NCKAP5: variants seen among roughly 807,000 people sequenced by gnomAD.
NCKAP5 encodes the protein nck-associated protein 5.
Under a neutral mutation model 167.0 loss-of-function variants are expected in NCKAP5, and 92 were observed. The ratio of observed to expected loss-of-function variants is 0.55; its 90% CI spans 0.47 to 0.66. NCKAP5 has a LOEUF of 0.66. Ranked by LOEUF, NCKAP5 falls within the 30% of genes least tolerant of loss-of-function variation. The pLI is 0.00. For synonymous variants in NCKAP5, 891 were observed against 877.4 expected (o/e 1.02, Z -0.27); for missense variants, 2,378 against 2,315.0 (o/e 1.03, Z -0.56).
chr2:133,547,559 G>A (rs1203954768), intron 2 of NCKAP5, among the ~76,000 whole-genome samples: 32 of 151,802 alleles, frequency 2.1e-4, no homozygotes, highest in African/African-American at 7.0e-4. Flanking sequence ...TCCTCAAGTG[G>A]GTCCCTGACC....
At chr2:132,781,864 C>T in intron 14 of NCKAP5, 76 bp downstream of exon 14, 2 of 1,412,058 alleles carry the variant, frequency 1.4e-6, no homozygotes, top group Admixed American at 2.3e-5. Context: ...GCCTTTAATG[C>T]ACAGGAAGCA....
rs267598881 is a variant in NCKAP5 at position 132,784,943 on chromosome 2, A to C, written c.1868T>G (p.Phe623Cys). The stretch of plus-strand genomic sequence containing the variant: ...AGGAGACCCACATAGAGATTTTCCA[A>C]ACCCCACAAGGACATCCAGGTTCTC... ...SVENLDVLVG[F>C]GKSLCGSPEE... Residue 623 changes from phenylalanine (F) to cysteine (C), a missense_variant, in exon 14 of 20, where the codon TTT becomes TGT. Physicochemically the swap from Phe to Cys is radical, Grantham distance 205 (BLOSUM62 -2). This residue lies in a region of NCKAP5 where 1,049 missense variants were observed against 1,023.4 expected (regional missense o/e 1.02). Transcript: ENST00000409261. 2.5e-6 allele frequency: 4 copies of C among 1,601,836 alleles called. No individual in the cohort carries two copies. The African/African-American group carries it at 5.4e-5, about 22-fold the overall frequency.
intron 3 of NCKAP5, among the ~76,000 whole-genome samples, chr2:133,412,705 C>T (rs1212239413): frequency 6.6e-6 from 1 of 152,200 alleles, no homozygotes; most frequent in Non-Finnish European, 1.5e-5. Context: ...TGATTTTTAT[C>T]CCAAGCATTC....
At chr2:133,586,672 T>C in the NCKAP5 span, among the ~76,000 whole-genome samples, 47,445 of 151,610 alleles carry the variant, frequency 0.31, 7,893 homozygotes, top group South Asian at 0.41. Context: ...AGTGGTGGTG[T>C]GAGCAGATGG....
intron 3 of NCKAP5, among the ~76,000 whole-genome samples, chr2:133,456,645 C>G (rs957970649): frequency 1.3e-5 from 2 of 152,128 alleles, no homozygotes; most frequent in Non-Finnish European, 2.9e-5. Flanking sequence ...GATGAAATAA[C>G]CTTATTATGT....
chr2:132,880,019 G>A (rs6720847), intron 8 of NCKAP5, among the ~76,000 whole-genome samples: 55,403 of 151,988 alleles, frequency 0.36, 10,411 homozygotes, highest in Middle Eastern at 0.52. Context: ...AGAACTAGAA[G>A]TCATGTTAAG....
At chr2:133,652,309 G>T in the NCKAP5 span, among the ~76,000 whole-genome samples, 2 of 152,194 alleles carry the variant, frequency 1.3e-5, no homozygotes, top group Non-Finnish European at 2.9e-5. Flanking sequence ...GGCAACGGAA[G>T]AGGGTGTAGT....
the NCKAP5 span, among the ~76,000 whole-genome samples, chr2:133,577,956 C>G: frequency 6.6e-6 from 1 of 152,188 alleles, no homozygotes; most frequent in African/African-American, 2.4e-5. Context: ...CCTAAGACGA[C>G]CCAGCTCCAG....
intron 3 of NCKAP5, among the ~76,000 whole-genome samples, chr2:133,447,481 GCCTTTCCCCTTCTCTTCCCTT>G (rs1691273422): frequency 1.9e-5 from 2 of 103,358 alleles, no homozygotes; most frequent in Non-Finnish European, 3.8e-5. Flanking sequence ...TCCTTTCCCT[GCCTTTCCCCTTCTCTTCCCTT>G]CCTTTCCCCT....
the NCKAP5 span, among the ~76,000 whole-genome samples, chr2:133,662,410 G>A: frequency 6.6e-6 from 1 of 151,650 alleles, no homozygotes; most frequent in African/African-American, 2.4e-5. Context: ...CTAAAAATCT[G>A]TCTTCCCAGT....
Position 133,361,834 on chromosome 2 carries a change from T to G in NCKAP5, c.70-58724A>C, listed in dbSNP as rs138413199. Among the ~76,000 whole-genome samples, 134 of 152,284 alleles carry G rather than the reference T, an allele frequency of 8.8e-4. 2 individuals carry two copies. The East Asian group carries it at 0.024, about 28-fold the overall frequency. The stretch of plus-strand genomic sequence containing the variant: ...AAGTCTAGCAAATGTCTTAGCAAAA[T>G]AGCACCATCTGTTATATTAAATCCA... On this transcript the variant is annotated intron_variant, in intron 3 of 19. Coordinates refer to ENST00000409261, the MANE Select transcript of NCKAP5 (RefSeq NM_207363.3).
rs984299233 is a variant in NCKAP5, at chr2:132,796,643, A to C, written c.894T>G (p.Thr298=). 2 of 1,611,476 alleles carry C rather than the reference A, an allele frequency of 1.2e-6. No individual in the cohort carries two copies. The highest frequency in any genetic ancestry group is 1.7e-6 in the Non-Finnish European group (2 of 1,178,256). Residue 298 remains threonine, a synonymous_variant, in exon 12 of 20, where the codon ACT becomes ACG. Coordinates refer to ENST00000409261, the MANE Select transcript of NCKAP5 (RefSeq NM_207363.3). ...GGAAACTCACGTGCACCTCAGCATC[A>C]GTTCGTGACTGTGTCAGACTTCGGT... is the stretch of plus-strand genomic sequence containing the variant. ...ERNRSLTQSR[T]DAEVHEHQLN...
rs140672071 is a variant in NCKAP5, at chr2:133,066,666, C to T, written c.341+63312G>A. Among the ~76,000 whole-genome samples the T allele has an allele frequency of 2.0e-4, 30 of 152,192 alleles. No individual in the cohort carries two copies. The East Asian group carries it at 5.6e-3, about 28-fold the overall frequency. ...CATACAATGAATAGGAAATGTACAC[C>T]CCCTAGCATACCAAGTCCTACTTTA... On this transcript the variant is annotated intron_variant, in intron 6 of 19. Transcript: ENST00000409261.
intron 3 of NCKAP5, among the ~76,000 whole-genome samples, chr2:133,467,206 G>A (rs1297549348): frequency 2.0e-5 from 3 of 151,064 alleles, no homozygotes; most frequent in East Asian, 2.0e-4. Context: ...TTTATTGAGA[G>A]TTTTTAGCAT....
intron 3 of NCKAP5, among the ~76,000 whole-genome samples, chr2:133,453,998 A>G (rs1574981880): frequency 1.3e-5 from 2 of 152,018 alleles, no homozygotes; most frequent in East Asian, 3.9e-4. Context: ...ATTATCTGAA[A>G]AACAGTAATG....
chr2:132,692,149 A>AT (rs1446477052), intron 19 of NCKAP5, among the ~76,000 whole-genome samples: 108 of 145,982 alleles, frequency 7.4e-4, no homozygotes, highest in African/African-American at 2.7e-3. Context: ...ATTTTATTTT[A>AT]TTTTATTTTT....
At chr2:133,197,636 A>G (rs890698626) in intron 5 of NCKAP5, among the ~76,000 whole-genome samples, 1 of 152,130 alleles carries the variant, frequency 6.6e-6, no homozygotes, top group Non-Finnish European at 1.5e-5. Flanking sequence ...TTAAAGAACG[A>G]AATATAACCT....
intron 19 of NCKAP5, among the ~76,000 whole-genome samples, chr2:132,720,518 G>T (rs10211636): frequency 0.17 from 25,117 of 152,178 alleles, 2,664 homozygotes; most frequent in East Asian, 0.45. Context: ...GGAATGTGGG[G>T]CCACAGCCCA....
At chr2:132,727,362 G>C (rs1037499792) in intron 18 of NCKAP5, among the ~76,000 whole-genome samples, 1 of 152,116 alleles carries the variant, frequency 6.6e-6, no homozygotes, top group African/African-American at 2.4e-5. Flanking sequence ...TTCTCAATTT[G>C]CCAGTTTCCC....
Sources: gnomAD v4.1 joint callset for allele counts (sites outside exome capture counted in the v4.1 genomes callset) on GRCh38, gnomAD v4.1.1 for gene constraint, gnomAD v4.1.1 regional missense constraint, MANE v1.5 for transcripts, NCBI Gene and HGNC (gene_info 2026-07-23, HGNC 2026-07-21) for gene names.